The following CCSER1 variants were observed in gnomAD, a reference collection of about 807,000 sequenced individuals.
CCSER1 encodes serine-rich coiled-coil domain-containing protein 1.
Under a neutral mutation model 82.0 loss-of-function variants are expected in CCSER1, and 41 were observed. The observed-to-expected ratio is 0.50, with a 90% CI of 0.39 to 0.65. The LOEUF (loss-of-function observed/expected upper bound fraction) is 0.65. CCSER1 is among the 30% of genes least tolerant of loss of function. The pLI, the probability that CCSER1 is intolerant of heterozygous loss-of-function variation, is 0.00. For synonymous variants in CCSER1, 414 were observed against 383.9 expected, an observed-to-expected ratio of 1.08 and a Z score of -0.92; for missense variants, 1,119 against 1,064.2, an observed-to-expected ratio of 1.05 and a Z score of -0.72.
chr4:90,311,588 G>T (rs1735298125), intron 2 of CCSER1, among the ~76,000 whole-genome samples: 1 of 152,068 alleles, frequency 6.6e-6, no homozygotes, highest in South Asian at 2.1e-4. Flanking sequence ...ATAAAGAGTT[G>T]CTATAGACAC....
At chr4:90,439,552 C>G (rs1185629520) in intron 4 of CCSER1, among the ~76,000 whole-genome samples, 2 of 152,162 alleles carry the variant, frequency 1.3e-5, no homozygotes, top group Admixed American at 1.3e-4. Flanking sequence ...TCATTCTGCT[C>G]TCTGCCAAGG....
chr4:90,248,319 A>G (rs1033167508), intron 1 of CCSER1, among the ~76,000 whole-genome samples: 1 of 152,210 alleles, frequency 6.6e-6, no homozygotes, highest in Non-Finnish European at 1.5e-5. Flanking sequence ...AATGATGAAA[A>G]GCTGGACATA....
rs71609594 is a variant in CCSER1 at position 90,489,767 on chromosome 4, C to A, written c.1724+21413C>A. ...ATTCCCACCTATGAGTGAGAACATG[C>A]GGTGTTTGTTTTTTTGTCCTTGCGA... is the stretch of plus-strand genomic sequence containing the variant. On this transcript the variant is annotated intron_variant, in intron 5 of 10. Transcript: ENST00000509176. Among the ~76,000 whole-genome samples, 681 of 152,052 alleles carry A rather than the reference C, an allele frequency of 4.5e-3. 8 individuals carry two copies. The highest frequency in any genetic ancestry group is 0.016 in the African/African-American group (658 of 41,472).
At chr4:90,521,623 T>C (rs566250853) in intron 5 of CCSER1, among the ~76,000 whole-genome samples, 18 of 152,078 alleles carry the variant, frequency 1.2e-4, no homozygotes, top group African/African-American at 4.3e-4. Context: ...AGCAAATAGA[T>C]GGAAACTGAT....
intron 4 of CCSER1, among the ~76,000 whole-genome samples, chr4:90,450,326 A>C (rs6843629): frequency 0.077 from 11,717 of 152,268 alleles, 605 homozygotes; most frequent in African/African-American, 0.14. Context: ...TCATTCTGAA[A>C]ACAATGTTGT....
At chr4:91,223,881 T>C (rs898351584) in intron 10 of CCSER1, among the ~76,000 whole-genome samples, 7 of 152,090 alleles carry the variant, frequency 4.6e-5, no homozygotes, top group Non-Finnish European at 8.8e-5. Context: ...AATCTATCAT[T>C]TTCTGGAACG....
intron 10 of CCSER1, among the ~76,000 whole-genome samples, chr4:91,366,915 G>GT (rs1342591405): frequency 2.0e-5 from 3 of 152,028 alleles, no homozygotes; most frequent in Non-Finnish European, 4.4e-5. Context: ...TGTAAATTTT[G>GT]TTTGCTGTTG....
intron 8 of CCSER1, among the ~76,000 whole-genome samples, chr4:90,824,379 GA>G (rs1390376125): frequency 1.3e-5 from 2 of 151,818 alleles, no homozygotes; most frequent in African/African-American, 2.4e-5. Flanking sequence ...GATGATTTTT[GA>G]AAAAAATTGA....
chr4:90,662,739 A>T (rs994542135), intron 6 of CCSER1, among the ~76,000 whole-genome samples: 14 of 152,198 alleles, frequency 9.2e-5, no homozygotes, highest in African/African-American at 3.1e-4. Context: ...GAGGGTGTTA[A>T]TGTAAGCTAG....
intron 5 of CCSER1, among the ~76,000 whole-genome samples, chr4:90,547,791 C>A (rs975040690): frequency 5.9e-5 from 9 of 152,038 alleles, no homozygotes; most frequent in Admixed American, 3.9e-4. Flanking sequence ...TAATTTGGCT[C>A]TAATTTTTTT....
In CCSER1 at chr4:90,908,010, A is replaced by G. The variant is rs77105416; in HGVS notation, c.2095-15360A>G. ...CCCAATTCTTCATTTTTTAAAAACA[A>G]TAGAGTATCTAGAGTGTGCCTAAAA... On this transcript the variant is annotated intron_variant, in intron 8 of 10. Transcript: ENST00000509176. Among the ~76,000 whole-genome samples the G allele has an allele frequency of 4.7e-3, 710 of 152,256 alleles. 9 individuals are homozygous for G. Among genetic ancestry groups the G allele is most frequent in the African/African-American group, 0.016 (681 of 41,560 alleles).
At chr4:90,650,358 T>C (rs1728520745) in intron 6 of CCSER1, among the ~76,000 whole-genome samples, 1 of 152,072 alleles carries the variant, frequency 6.6e-6, no homozygotes. Context: ...AGAAAGCTTG[T>C]GGGATTCAAT....
At chr4:91,071,207 C>T (rs1251458372) in intron 9 of CCSER1, among the ~76,000 whole-genome samples, 1 of 152,046 alleles carries the variant, frequency 6.6e-6, no homozygotes, top group African/African-American at 2.4e-5. Context: ...AATTTAGAAA[C>T]ATAAAAACAA....
intron 8 of CCSER1, among the ~76,000 whole-genome samples, chr4:90,848,541 C>A (rs1763474232): frequency 6.6e-6 from 1 of 152,164 alleles, no homozygotes; most frequent in Non-Finnish European, 1.5e-5. Flanking sequence ...TTAGTCATCA[C>A]TTAAGTGTGA....
At chr4:90,181,600 G>A (rs777945221) in intron 1 of CCSER1, among the ~76,000 whole-genome samples, 2 of 152,050 alleles carry the variant, frequency 1.3e-5, no homozygotes, top group African/African-American at 2.4e-5. Context: ...ACAGTTGCAG[G>A]GGTCGTTAAT....
At chr4:90,812,274 C>T (rs1758452974) in intron 7 of CCSER1, among the ~76,000 whole-genome samples, 1 of 152,116 alleles carries the variant, frequency 6.6e-6, no homozygotes, top group Non-Finnish European at 1.5e-5. Flanking sequence ...GTCTGCCTTT[C>T]CCAGCTCACT....
At chr4:91,000,624 T>G (rs1599458) in intron 9 of CCSER1, among the ~76,000 whole-genome samples, 41,641 of 151,980 alleles carry the variant, frequency 0.27, 6,887 homozygotes, top group East Asian at 0.38. Context: ...AGTTCTCCTT[T>G]TAGAGAGCTT....
At chr4:91,471,062 A>G (rs1001553797) in intron 10 of CCSER1, among the ~76,000 whole-genome samples, 2 of 152,144 alleles carry the variant, frequency 1.3e-5, no homozygotes, top group Non-Finnish European at 2.9e-5. Flanking sequence ...TACTTATATA[A>G]CTAGTGCTGA....
intron 10 of CCSER1, among the ~76,000 whole-genome samples, chr4:91,538,665 A>G (rs1467517647): frequency 7.6e-6 from 1 of 130,778 alleles, no homozygotes; most frequent in Non-Finnish European, 1.6e-5. Flanking sequence ...TTAGTTAAAT[A>G]TATGTGTATA....
Sources: gnomAD v4.1 joint callset for allele counts (sites outside exome capture counted in the v4.1 genomes callset) on GRCh38, gnomAD v4.1.1 for gene constraint, MANE v1.5 for transcripts, NCBI Gene and HGNC (gene_info 2026-07-23, HGNC 2026-07-21) for gene names.